The following IL15 variants were observed in gnomAD, a reference collection of about 807,000 sequenced individuals.
IL15 encodes the protein interleukin 15.
IL15 carries 11 observed loss-of-function variants against 19.6 expected under a neutral mutation model. The ratio of observed to expected loss-of-function variants is 0.56; its 90% confidence interval spans 0.35 to 0.93. IL15 has a LOEUF of 0.93. IL15 is among the 40% of genes least tolerant of loss of function. The probability of loss-of-function intolerance (pLI) is 0.01; values close to 1 mark genes in which losing one functional copy is unlikely to be tolerated. For synonymous variants in IL15, 58 were observed against 59.6 expected, an observed-to-expected ratio of 0.97 and a Z score of 0.12; for missense variants, 197 against 186.5, an observed-to-expected ratio of 1.06 and a Z score of -0.33.
At chr4:141,719,274 T>G in intron 2 of IL15, 92 bp from the exon 3 acceptor site, 2 of 475,464 alleles carry the variant, frequency 4.2e-6, no homozygotes, top group Non-Finnish European at 7.5e-6. Context: ...AGAGTGCTTA[T>G]TAAAAGGTAG....
chr4:141,729,260 T>C (rs13122930), intron 6 of IL15, among the ~76,000 whole-genome samples: 76,931 of 151,942 alleles, frequency 0.51, 19,647 homozygotes, highest in South Asian at 0.59. Context: ...CCTTGTTTCC[T>C]TTCTTTAAGT....
At chr4:141,673,463 T>A (rs536508629) in intron 2 of IL15, among the ~76,000 whole-genome samples, 1 of 152,206 alleles carries the variant, frequency 6.6e-6, no homozygotes, top group Non-Finnish European at 1.5e-5. Context: ...ATCTCAATTA[T>A]GCCTTTGGTA....
intron 2 of IL15, among the ~76,000 whole-genome samples, chr4:141,712,506 T>C (rs950876244): frequency 1.2e-4 from 18 of 151,766 alleles, no homozygotes; most frequent in African/African-American, 4.8e-5. Flanking sequence ...AGATCTACCA[T>C]ATATCCCCTC....
chr4:141,639,438 G>A (rs1428166959), intron 1 of IL15, among the ~76,000 whole-genome samples: 1 of 152,092 alleles, frequency 6.6e-6, no homozygotes, highest in Admixed American at 6.5e-5. Context: ...TTGGTATATT[G>A]GAGAAATTTC....
In IL15 at chr4:141,652,326, C is replaced by G. The variant is rs568195862; in HGVS notation, c.-221-3860C>G. ...ACAGCCCAAGTGGAGAAGGAAGAAC[C>G]AGCAGTGCTATAAAAGATAAGTTCT... is the stretch of plus-strand genomic sequence containing the variant. On this transcript the variant is annotated intron_variant, in intron 1 of 7. Transcript: ENST00000320650. Among the ~76,000 whole-genome samples the G allele has an allele frequency of 3.9e-5, 6 of 152,146 alleles. No homozygotes were observed. The South Asian group carries it at 1.2e-3, about 32-fold the overall frequency.
chr4:141,686,681 A>G (rs1189967574), intron 2 of IL15, among the ~76,000 whole-genome samples: 4 of 152,238 alleles, frequency 2.6e-5, no homozygotes, highest in African/African-American at 9.6e-5. Flanking sequence ...AAGCTTTTAC[A>G]GTGTCTGAGC....
chr4:141,656,113 A>G (rs1218237460), intron 1 of IL15, 73 bp from the exon 2 acceptor site: 2 of 396,912 alleles, frequency 5.0e-6, no homozygotes, highest in Admixed American at 8.8e-5. Flanking sequence ...GTAGGTAACC[A>G]TAAATCTGAG....
chr4:141,656,345 A>G, intron 2 of IL15, 38 bp downstream of exon 2: 1 of 397,684 alleles, frequency 2.5e-6, no homozygotes, highest in Non-Finnish European at 4.4e-6. Flanking sequence ...TGCAATACAG[A>G]TACTTTTATA....
intron 7 of IL15, among the ~76,000 whole-genome samples, chr4:141,731,861 A>G (rs1730463526): frequency 6.6e-6 from 1 of 152,132 alleles, no homozygotes. Context: ...GATGATCTCT[A>G]AAAAGTTTAT....
At chr4:141,715,332 G>A (rs1729846432) in intron 2 of IL15, 1 of 152,080 alleles carries the variant, frequency 6.6e-6, no homozygotes, top group Admixed American at 6.6e-5. Context: ...TAGACTCATA[G>A]CCACACAGTT....
At chr4:141,645,260 T>G (rs945244611) in intron 1 of IL15, among the ~76,000 whole-genome samples, 1 of 152,148 alleles carries the variant, frequency 6.6e-6, no homozygotes, top group Non-Finnish European at 1.5e-5. Context: ...ATAGAAACCC[T>G]TACCATTTTT....
At chr4:141,709,374 A>G (rs1456303461) in intron 2 of IL15, among the ~76,000 whole-genome samples, 1 of 152,190 alleles carries the variant, frequency 6.6e-6, no homozygotes, top group African/African-American at 2.4e-5. Context: ...TACTACATAA[A>G]AAGGTTGTTC....
chr4:141,721,780 A>C, intron 4 of IL15, 144 bp from the exon 5 acceptor site: 1 of 710,542 alleles, frequency 1.4e-6, no homozygotes, highest in Non-Finnish European at 2.3e-6. Flanking sequence ...GTTCAGTTAC[A>C]AGGCTGTTGA....
chr4:141,670,802 A>T (rs1359198086), intron 2 of IL15, among the ~76,000 whole-genome samples: 1 of 152,192 alleles, frequency 6.6e-6, no homozygotes, highest in Admixed American at 6.5e-5. Context: ...CAGTACCTTT[A>T]TACTTGAAGT....
intron 1 of IL15, among the ~76,000 whole-genome samples, chr4:141,646,765 A>G (rs946262492): frequency 1.3e-5 from 2 of 152,064 alleles, no homozygotes; most frequent in African/African-American, 4.8e-5. Flanking sequence ...TTTTGATTTA[A>G]TATTTTCATA....
intron 6 of IL15, among the ~76,000 whole-genome samples, chr4:141,728,932 C>A (rs1730359026): frequency 2.0e-5 from 3 of 152,054 alleles, no homozygotes; most frequent in Admixed American, 6.6e-5. Flanking sequence ...AGAGAAACAA[C>A]CTTAGATTTT....
chr4:141,719,526 C>T (rs761440276), intron 3 of IL15, 50 bp downstream of exon 3: 14 of 1,343,726 alleles, frequency 1.0e-5, no homozygotes, highest in Non-Finnish European at 1.4e-5. Context: ...CCTTAAAGGT[C>T]GTCTGAATCT....
At chr4:141,722,046 T>A in intron 5 of IL15, 38 bp downstream of exon 5, 1 of 1,516,788 alleles carries the variant, frequency 6.6e-7, no homozygotes, top group Non-Finnish European at 9.0e-7. Flanking sequence ...CTGGTATAAC[T>A]GCTATGGAGT....
intron 1 of IL15, among the ~76,000 whole-genome samples, chr4:141,641,696 T>TG (rs1186945299): frequency 5.5e-5 from 2 of 36,066 alleles, no homozygotes; most frequent in South Asian, 1.1e-3. Context: ...TGTCATGGGG[T>TG]GGGGGGAGGG....
Sources: allele counts gnomAD v4.1 joint callset (sites outside exome capture counted in the v4.1 genomes callset), GRCh38; gene constraint gnomAD v4.1.1; transcripts MANE v1.5; gene names NCBI Gene and HGNC (gene_info 2026-07-23, HGNC 2026-07-21).